The following ADCY9 variants were observed in gnomAD, a reference collection of about 807,000 sequenced individuals.
The protein encoded by ADCY9 is adenylate cyclase type 9.
Under a neutral mutation model 101.5 loss-of-function variants are expected in ADCY9, and 50 were observed. The observed-to-expected ratio is 0.49, with a 90% CI of 0.39 to 0.62. The LOEUF (loss-of-function observed/expected upper bound fraction) is 0.62. Ranked by LOEUF, ADCY9 falls within the 20% of genes least tolerant of loss-of-function variation. The probability of loss-of-function intolerance (pLI) is 0.00; values close to 1 mark genes in which losing one functional copy is unlikely to be tolerated. For missense variants in ADCY9, 1,662 were observed against 1,800.4 expected (o/e 0.92, Z 1.39); for synonymous variants, 905 against 769.3 (o/e 1.18, Z -2.92).
intron 2 of ADCY9, among the ~76,000 whole-genome samples, chr16:4,010,603 G>A (rs895783416): frequency 6.6e-6 from 1 of 152,220 alleles, no homozygotes; most frequent in Non-Finnish European, 1.5e-5. Flanking sequence ...ATCGTGACCT[G>A]TGTGGAGCCC....
At chr16:3,962,282 A>G (rs780575024), downstream of ADCY9, among the ~76,000 whole-genome samples, 7 of 152,232 alleles carry the variant, frequency 4.6e-5, no homozygotes, top group Non-Finnish European at 2.9e-5. Context: ...TTTCCTTTTC[A>G]GAAAACCTAC....
At chr16:3,969,110 C>T (rs1007103753) in intron 10 of ADCY9, among the ~76,000 whole-genome samples, 7 of 152,170 alleles carry the variant, frequency 4.6e-5, no homozygotes, top group African/African-American at 1.7e-4. Context: ...AGGCGTGAGC[C>T]ACCGCGCCCA....
Position 3,965,591 on chromosome 16 carries a change from A to G in ADCY9, c.*184T>C. 1 of 637,330 alleles carries G rather than the reference A, an allele frequency of 1.6e-6. No individual in the cohort carries two copies. The highest frequency in any genetic ancestry group is 2.7e-5 in the East Asian group (1 of 36,364). The allele number at this position is 637,330 out of a possible 1,614,324, so 39.5% of individuals were successfully genotyped here. On this transcript the variant is annotated 3_prime_UTR_variant, in exon 11 of 11. Transcript: ENST00000294016. ...GCGGGGTTTCCAGGGAAGGGAGCGA[A>G]AGGGAAGAATGGATGAAAATGAACC... is the stretch of plus-strand genomic sequence containing the variant.
intron 2 of ADCY9, among the ~76,000 whole-genome samples, chr16:4,008,396 A>G (rs947701611): frequency 6.6e-6 from 1 of 152,168 alleles, no homozygotes; most frequent in South Asian, 2.1e-4. Context: ...GGAATTTTTG[A>G]AAAAGAAGCA....
At chr16:4,015,436 C>G (rs560239487) in intron 2 of ADCY9, 4 of 151,690 alleles carry the variant, frequency 2.6e-5, no homozygotes, top group Non-Finnish European at 4.4e-5. Flanking sequence ...CTCTGAGAGA[C>G]GACACCCAGC....
Position 4,086,680 on chromosome 16 carries a change from G to A in ADCY9, c.1693+27070C>T, listed in dbSNP as rs187560558. On this transcript the variant is annotated intron_variant, in intron 2 of 10. Transcript: ENST00000294016. ...TTTTTATTTTTATTAATTTTTTTAAGACAGGGTCTTACTCTGTCACCCAGG... is the reference window on the plus strand; with the variant it reads ...TTTTTATTTTTATTAATTTTTTTAAAACAGGGTCTTACTCTGTCACCCAGG... 8.4e-4 allele frequency among the ~76,000 whole-genome samples: 127 copies of A among 152,004 alleles called. 1 individual carries two copies. Among genetic ancestry groups the A allele is most frequent in the African/African-American group, 2.9e-3 (120 of 41,470 alleles).
chr16:3,996,604 C>T (rs1017392657), intron 3 of ADCY9, among the ~76,000 whole-genome samples: 1 of 152,160 alleles, frequency 6.6e-6, no homozygotes, highest in Non-Finnish European at 1.5e-5. Context: ...GGTGTGGAAG[C>T]GTCTGCTGCA....
Position 3,966,773 on chromosome 16 carries a change from G to A in ADCY9, c.3064C>T (p.Gln1022Ter). 1 of 1,614,238 alleles carries A rather than the reference G, an allele frequency of 6.2e-7. No individual in the cohort carries two copies. Among genetic ancestry groups the A allele is most frequent in the South Asian group, 1.1e-5 (1 of 91,086 alleles). The stretch of plus-strand genomic sequence containing the variant: ...CAGTCTGCCTGGTCCCGCATGCTCT[G>A]GATCTTGGTGCGGTGAAGATCCGCT... ...VEADLHRTKI[Q>*]SMRDQADWLL... is the part of the protein sequence containing the mutation. Residue 1022 changes from glutamine (Q) to a stop codon, truncating the protein, a stop_gained, in exon 11 of 11, where the codon CAG becomes TAG. Coordinates refer to ENST00000294016, the MANE Select transcript of ADCY9 (RefSeq NM_001116.4). LOFTEE classifies it high-confidence loss of function.
rs79739987 is a variant in ADCY9, at chr16:4,101,262, T to C, written c.1693+12488A>G. Among the ~76,000 whole-genome samples the C allele has an allele frequency of 7.0e-3, 1,048 of 149,688 alleles. 14 individuals are homozygous for C. Among genetic ancestry groups the C allele is most frequent in the African/African-American group, 0.024 (988 of 40,674 alleles). Reference sequence around the variant, plus strand: ...TCTGTAATACAGTCAGGAAGTCTAGTACAATATTTGTTCAGGTGATTTTTT... The same window carrying C: ...TCTGTAATACAGTCAGGAAGTCTAGCACAATATTTGTTCAGGTGATTTTTT... On this transcript the variant is annotated intron_variant, in intron 2 of 10. Transcript: ENST00000294016.
intron 2 of ADCY9, among the ~76,000 whole-genome samples, chr16:4,023,367 G>T (rs953122455): frequency 1.3e-5 from 2 of 152,298 alleles, no homozygotes; most frequent in East Asian, 1.9e-4. Context: ...CCCAACATGC[G>T]GTTTGGACAG....
intron 2 of ADCY9, among the ~76,000 whole-genome samples, chr16:4,014,440 A>C (rs1436898692): frequency 6.6e-6 from 1 of 151,484 alleles, no homozygotes; most frequent in Admixed American, 6.6e-5. Context: ...CTGCTTAACC[A>C]AAAAAAAATT....
intron 2 of ADCY9, among the ~76,000 whole-genome samples, chr16:4,047,444 A>G (rs1234508801): frequency 6.8e-6 from 1 of 146,932 alleles, no homozygotes; most frequent in Admixed American, 6.6e-5. Flanking sequence ...GGCCTGGGGG[A>G]CTTACACAGC....
At chr16:3,972,964 C>G (rs184722854) in intron 10 of ADCY9, among the ~76,000 whole-genome samples, 201 of 152,230 alleles carry the variant, frequency 1.3e-3, no homozygotes, top group African/African-American at 4.6e-3. Context: ...AGGTGCTTTA[C>G]TTTTAAGTAC....
Position 4,021,305 on chromosome 16 carries a change from AC to A in ADCY9, c.1694-13748del, listed in dbSNP as rs1403386638. Among the ~76,000 whole-genome samples the A allele has an allele frequency of 3.3e-5, 5 of 152,366 alleles. No individual in the cohort carries two copies. In the South Asian group the frequency reaches 1.0e-3, roughly 32 times the overall value. The stretch of plus-strand genomic sequence containing the variant: ...AGATCTGGCAGAGACAGACAAGGCC[AC>A]GCCGGCAGCAGGTGTTTCAGGAAAG... On this transcript the variant is annotated intron_variant, in intron 2 of 10. Transcript: ENST00000294016.
Position 4,066,339 on chromosome 16 carries a change from T to G in ADCY9, c.1693+47411A>C, listed in dbSNP as rs117917838. 5.8e-3 allele frequency among the ~76,000 whole-genome samples: 887 copies of G among 152,344 alleles called. 3 individuals are homozygous for G. The highest frequency in any genetic ancestry group is 0.014 in the Middle Eastern group (4 of 294). On this transcript the variant is annotated intron_variant, in intron 2 of 10. Transcript: ENST00000294016. Reference sequence around the variant, plus strand: ...CAAAGCTTTTCCCACTCCTTGAGTATATTTACTTTTCTCTCTCCTCTCTCT... The same window carrying G: ...CAAAGCTTTTCCCACTCCTTGAGTAGATTTACTTTTCTCTCTCCTCTCTCT...
chr16:4,049,536 C>T (rs1489541289), intron 2 of ADCY9, among the ~76,000 whole-genome samples: 4 of 152,182 alleles, frequency 2.6e-5, no homozygotes, highest in African/African-American at 7.2e-5. Context: ...CTGTAGTCTA[C>T]TTTCTAACAT....
intron 2 of ADCY9, among the ~76,000 whole-genome samples, chr16:4,079,297 G>T (rs553663978): frequency 2.0e-5 from 3 of 152,292 alleles, no homozygotes; most frequent in East Asian, 3.9e-4. Flanking sequence ...GGCCAGGCAT[G>T]GTGGCTCACG....
In ADCY9 at chr16:4,110,376, C is replaced by CTTTTTTTTTTTTTTTTTTTTT. The variant is rs1170090126; in HGVS notation, c.1693+3353_1693+3373dup. Among the ~76,000 whole-genome samples, 7 of 110,742 alleles carry CTTTTTTTTTTTTTTTTTTTTT rather than the reference C, an allele frequency of 6.3e-5. 1 individual carries two copies. The highest frequency in any genetic ancestry group is 5.7e-4 in the South Asian group (2 of 3,516). The allele number at this position is 110,742 out of a possible 152,430, so 72.7% of individuals were successfully genotyped here. A position where few individuals can be genotyped will look rare whatever the true frequency, so the allele number is the denominator to read the frequency against. ...AGTTTTGCAATCATACTTATACCTA[C>CTTTTTTTTTTTTTTTTTTTTT]TTTTTTTTTTTTTTTTTTTTTTTTT... On this transcript the variant is annotated intron_variant, in intron 2 of 10. Coordinates refer to ENST00000294016, the MANE Select transcript of ADCY9 (RefSeq NM_001116.4).
intron 2 of ADCY9, among the ~76,000 whole-genome samples, chr16:4,088,491 T>C (rs1240993335): frequency 6.6e-6 from 1 of 151,990 alleles, no homozygotes; most frequent in Non-Finnish European, 1.5e-5. Context: ...GATTTCACCA[T>C]GTGAACCAGG....
Sources: allele counts gnomAD v4.1 joint callset (sites outside exome capture counted in the v4.1 genomes callset), GRCh38; gene constraint gnomAD v4.1.1; transcripts MANE v1.5; gene names NCBI Gene and HGNC (gene_info 2026-07-23, HGNC 2026-07-21).